FAM168B: variants seen among roughly 807,000 people sequenced by gnomAD.
The protein encoded by FAM168B is myelin-associated neurite-outgrowth inhibitor.
Under a neutral mutation model 21.8 loss-of-function variants are expected in FAM168B, and 19 were observed. That is an observed-to-expected ratio of 0.87 (90% CI 0.61 to 1.28). FAM168B has a LOEUF of 1.28. FAM168B is among the 50% of genes most tolerant of loss of function. The pLI, the probability that FAM168B is intolerant of heterozygous loss-of-function variation, is 0.00. For missense variants in FAM168B, 233 were observed against 263.1 expected (o/e 0.89, Z 0.79); for synonymous variants, 126 against 104.8 (o/e 1.20, Z -1.24).
Position 131,090,423 on chromosome 2 carries a change from A to C in FAM168B, c.-12+2791T>G, listed in dbSNP as rs1693950548. Among the ~76,000 whole-genome samples the C allele has an allele frequency of 3.3e-5, 5 of 152,186 alleles. No homozygotes were observed. In the South Asian group the frequency reaches 1.0e-3, roughly 31 times the overall value. The stretch of plus-strand genomic sequence containing the variant: ...AAACAAAGTTCCACACAGAGCACTA[A>C]GTATGAAATACTATAACACGAGGCC... On this transcript the variant is annotated intron_variant, in intron 1 of 6. Coordinates refer to ENST00000389915, the MANE Select transcript of FAM168B (RefSeq NM_001009993.4).
At chr2:131,063,046 A>T (rs949340646) in intron 3 of FAM168B, among the ~76,000 whole-genome samples, 4 of 152,270 alleles carry the variant, frequency 2.6e-5, no homozygotes, top group African/African-American at 9.6e-5. Flanking sequence ...TGTATGTGAT[A>T]CAAGTAAAAT....
chr2:131,051,869 C>G lies in FAM168B; in HGVS notation c.*596G>C, dbSNP rs909083613. On this transcript the variant is annotated 3_prime_UTR_variant, in exon 7 of 7. Coordinates refer to ENST00000389915, the MANE Select transcript of FAM168B (RefSeq NM_001009993.4). ...CTTCCCTACTCTCTCCCAAACCTCG[C>G]AACTCCCTCCCAGGACAGTCAGTGC... The G allele has an allele frequency of 2.0e-5, 20 of 985,336 alleles. No individual in the cohort carries two copies. The highest frequency in any genetic ancestry group is 2.4e-5 in the Non-Finnish European group (20 of 829,960). 61.0% of individuals were successfully genotyped at this position (985,336 alleles called of 1,614,324 possible). A position where few individuals can be genotyped will look rare whatever the true frequency, so the allele number is the denominator to read the frequency against.
intron 1 of FAM168B, among the ~76,000 whole-genome samples, chr2:131,086,075 C>T (rs1027581474): frequency 5.3e-5 from 8 of 152,116 alleles, no homozygotes; most frequent in Non-Finnish European, 7.3e-5. Flanking sequence ...GTGTCTTACC[C>T]TACAGTTTAG....
chr2:131,066,068 A>C (rs554181748), intron 3 of FAM168B, among the ~76,000 whole-genome samples: 4 of 152,212 alleles, frequency 2.6e-5, no homozygotes, highest in African/African-American at 7.2e-5. Context: ...TGCCCTCCAA[A>C]GAAGTTTCTC....
intron 2 of FAM168B, among the ~76,000 whole-genome samples, chr2:131,073,756 C>A (rs1243162784): frequency 6.6e-6 from 1 of 152,202 alleles, no homozygotes; most frequent in Non-Finnish European, 1.5e-5. Flanking sequence ...CAAATTAAGA[C>A]ACCAGTCATA....
intron 3 of FAM168B, among the ~76,000 whole-genome samples, chr2:131,068,826 G>A (rs1008830939): frequency 1.7e-4 from 26 of 152,180 alleles, no homozygotes; most frequent in Admixed American, 1.2e-3. Flanking sequence ...GACCAGCCTA[G>A]ACAACATAGT....
Position 131,087,063 on chromosome 2 carries a change from CAAAA to C in FAM168B, c.-11-4410_-11-4407del, listed in dbSNP as rs70994735. On this transcript the variant is annotated intron_variant, in intron 1 of 6. Coordinates refer to ENST00000389915, the MANE Select transcript of FAM168B (RefSeq NM_001009993.4). ...CCTGGGCGACAGCGAGACTCCGTCT[CAAAA>C]AAAAAAAAAAAAAAAAAAGAGTCAC... Among the ~76,000 whole-genome samples the C allele has an allele frequency of 2.7e-4, 11 of 40,672 alleles. No individual in the cohort carries two copies. In the African/African-American group the frequency reaches 2.7e-3, roughly 10 times the overall value. The allele number at this position is 40,672 out of a possible 152,430, so 26.7% of individuals were successfully genotyped here. A position where few individuals can be genotyped will look rare whatever the true frequency, so the allele number is the denominator to read the frequency against.
chr2:131,048,527 A>T lies in FAM168B; in HGVS notation c.*3938T>A. On this transcript the variant is annotated 3_prime_UTR_variant, in exon 7 of 7. Transcript: ENST00000389915. ...CAGGCTCTCTCTTCTTCAAATAATG[A>T]GTAGGAAAAAGAGACAAACTTTCTG... 8.9e-7 allele frequency: 1 copy of T among 1,120,284 alleles called. No individual in the cohort carries two copies. The highest frequency in any genetic ancestry group is 1.6e-5 in the African/African-American group (1 of 61,132). The allele number at this position is 1,120,284 out of a possible 1,614,324, so 69.4% of individuals were successfully genotyped here.
At chr2:131,053,079 C>A in intron 5 of FAM168B, 64 bp from the exon 6 acceptor site, 1 of 1,481,966 alleles carries the variant, frequency 6.7e-7, no homozygotes, top group Non-Finnish European at 9.0e-7. Flanking sequence ...CTGCCTGATA[C>A]GCACACAAGC....
At chr2:131,081,667 T>C (rs1389669208) in intron 2 of FAM168B, among the ~76,000 whole-genome samples, 2 of 152,134 alleles carry the variant, frequency 1.3e-5, no homozygotes, top group Non-Finnish European at 2.9e-5. Flanking sequence ...ATAAGAAGTC[T>C]CACTCTCATT....
chr2:131,052,821 G>A, intron 6 of FAM168B, 70 bp downstream of exon 6: 1 of 1,522,384 alleles, frequency 6.6e-7, no homozygotes, highest in Non-Finnish European at 8.8e-7. Context: ...TAAATATGTG[G>A]TAAATTTGCC....
intron 2 of FAM168B, among the ~76,000 whole-genome samples, chr2:131,076,652 T>TAAAAAAA (rs76726482): frequency 1.0e-5 from 1 of 96,338 alleles, no homozygotes; most frequent in African/African-American, 3.7e-5. Flanking sequence ...GACTCCGTCT[T>TAAAAAAA]AAAAAAAAAA....
chr2:131,088,043 C>G (rs1396579626), intron 1 of FAM168B, among the ~76,000 whole-genome samples: 1 of 151,982 alleles, frequency 6.6e-6, no homozygotes, highest in African/African-American at 2.4e-5. Context: ...ACCACGCGTT[C>G]GAGACCAGCC....
chr2:131,067,306 G>A (rs1056453961), intron 3 of FAM168B, among the ~76,000 whole-genome samples: 3 of 152,152 alleles, frequency 2.0e-5, no homozygotes, highest in Admixed American at 6.6e-5. Context: ...AAGGGTCTCG[G>A]AATCCTCTTA....
chr2:131,077,566 T>C (rs1275296303), intron 2 of FAM168B, among the ~76,000 whole-genome samples: 2 of 152,234 alleles, frequency 1.3e-5, no homozygotes, highest in African/African-American at 2.4e-5. Flanking sequence ...CAGTGTCCAC[T>C]ACCATTTGTG....
At chr2:131,077,212 TAA>T (rs34175924) in intron 2 of FAM168B, among the ~76,000 whole-genome samples, 441 of 130,160 alleles carry the variant, frequency 3.4e-3, no homozygotes, top group Middle Eastern at 0.012. Flanking sequence ...CTATTACATT[TAA>T]AAAAAAAAAA....
At chr2:131,055,134 T>TC (rs1691938573) in intron 5 of FAM168B, 138 bp downstream of exon 5, 3 of 839,234 alleles carry the variant, frequency 3.6e-6, no homozygotes, top group African/African-American at 1.8e-5. Context: ...TGCTGTTTCT[T>TC]CCCCAAAGAA....
chr2:131,052,083 T>C lies in FAM168B; in HGVS notation c.*382A>G. The C allele has an allele frequency of 1.0e-6, 1 of 985,834 alleles. No homozygotes were observed. The highest frequency in any genetic ancestry group is 1.2e-6 in the Non-Finnish European group (1 of 829,934). The allele number at this position is 985,834 out of a possible 1,614,324, so 61.1% of individuals were successfully genotyped here. A position where few individuals can be genotyped will look rare whatever the true frequency, so the allele number is the denominator to read the frequency against. ...TTAGTGATACAAGTTGTAAAATACG[T>C]TTCCATTCCTTTGGATTTTGCATAT... On this transcript the variant is annotated 3_prime_UTR_variant, in exon 7 of 7. Coordinates refer to ENST00000389915, the MANE Select transcript of FAM168B (RefSeq NM_001009993.4).
intron 1 of FAM168B, among the ~76,000 whole-genome samples, chr2:131,089,591 T>G (rs144000103): frequency 6.7e-6 from 1 of 149,326 alleles, no homozygotes; most frequent in Admixed American, 6.7e-5. Flanking sequence ...AAAAGAAAAT[T>G]AGCCACTCAC....
Sources: allele counts gnomAD v4.1 joint callset (sites outside exome capture counted in the v4.1 genomes callset), GRCh38; gene constraint gnomAD v4.1.1; transcripts MANE v1.5; gene names NCBI Gene and HGNC (gene_info 2026-07-23, HGNC 2026-07-21).